The following CSMD1 variants were observed in gnomAD, a reference collection of about 807,000 sequenced individuals.
CSMD1 encodes the protein CUB and Sushi multiple domains 1, also known as CUB and sushi domain-containing protein 1.
A neutral mutation model predicts 417.5 loss-of-function variants in CSMD1; 213 were observed. That is an observed-to-expected ratio of 0.51 (90% CI 0.46 to 0.57). CSMD1 has a LOEUF of 0.57. Among genes scored for constraint, CSMD1 ranks in the 20% least tolerant of loss-of-function variants. CSMD1 has a pLI of 0.00. For synonymous variants in CSMD1, 2,862 were observed against 1,736.8 expected, an observed-to-expected ratio of 1.65 and a Z score of -16.11; for missense variants, 6,923 against 4,529.7, an observed-to-expected ratio of 1.53 and a Z score of -15.17.
chr8:4,203,002 C>G (rs909624864), intron 3 of CSMD1, among the ~76,000 whole-genome samples: 3 of 151,664 alleles, frequency 2.0e-5, no homozygotes, highest in South Asian at 2.1e-4. Context: ...ATCGTAATTC[C>G]CAGAACCTGT....
chr8:3,376,383 T>G (rs552997740), intron 18 of CSMD1, among the ~76,000 whole-genome samples: 1 of 152,090 alleles, frequency 6.6e-6, no homozygotes. Context: ...TTATATCTCA[T>G]GGTGACACAG....
rs866714615 is a variant in CSMD1 at position 3,796,415 on chromosome 8, C to T, written c.819-42373G>A. ...ATCATGTATAGATATAGATATATAT[C>T]TATCATGTATAGATATATATATCTA... On this transcript the variant is annotated intron_variant, in intron 5 of 69. Transcript: ENST00000635120. Among the ~76,000 whole-genome samples, 4 of 56,566 alleles carry T rather than the reference C, an allele frequency of 7.1e-5. 2 individuals carry two copies. Among genetic ancestry groups the T allele is most frequent in the Non-Finnish European group, 1.6e-4 (4 of 24,274 alleles). The allele number at this position is 56,566 out of a possible 152,430, so 37.1% of individuals were successfully genotyped here.
At chr8:3,476,169 C>CT (rs1289332279) in intron 11 of CSMD1, among the ~76,000 whole-genome samples, 1 of 152,112 alleles carries the variant, frequency 6.6e-6, no homozygotes, top group Non-Finnish European at 1.5e-5. Context: ...ATAGCGAGGC[C>CT]TTGGCTCAAC....
chr8:4,552,547 C>T (rs1797919357), intron 2 of CSMD1, among the ~76,000 whole-genome samples: 2 of 151,966 alleles, frequency 1.3e-5, no homozygotes, highest in African/African-American at 4.8e-5. Context: ...CTTTCCATTC[C>T]CTGGGAAGCA....
chr8:3,575,807 C>G (rs1181263181), intron 9 of CSMD1, among the ~76,000 whole-genome samples: 1 of 148,188 alleles, frequency 6.7e-6, no homozygotes, highest in East Asian at 2.0e-4. Flanking sequence ...GTCTGGAATA[C>G]AAAAATAATT....
intron 11 of CSMD1, among the ~76,000 whole-genome samples, chr8:3,469,942 G>C (rs190039296): frequency 6.6e-6 from 1 of 152,150 alleles, no homozygotes; most frequent in African/African-American, 2.4e-5. Flanking sequence ...TTGTTTTGTT[G>C]GCTTGTTTGA....
chr8:3,709,680 G>GGTTTTTTTTTTTTTTTTT (rs1554518393), intron 6 of CSMD1, among the ~76,000 whole-genome samples: 3 of 33,694 alleles, frequency 8.9e-5, no homozygotes, highest in Non-Finnish European at 1.7e-4. Context: ...GCAGCAGCAT[G>GGTTTTTTTTTTTTTTTTT]TTTTTTTTTT....
chr8:3,759,537 T>G (rs371979383), intron 5 of CSMD1, among the ~76,000 whole-genome samples: 81 of 151,778 alleles, frequency 5.3e-4, no homozygotes, highest in African/African-American at 9.9e-4. Context: ...ATGAAAGAGA[T>G]TATGGGGCAA....
intron 12 of CSMD1, among the ~76,000 whole-genome samples, chr8:3,411,638 G>A (rs893460626): frequency 4.9e-5 from 7 of 143,604 alleles, no homozygotes; most frequent in Non-Finnish European, 9.0e-5. Flanking sequence ...CCTTATTATC[G>A]TTCAGTAGTA....
rs948352816 is a variant in CSMD1, at chr8:3,377,551, G to A, written c.2783-8181C>T. Among the ~76,000 whole-genome samples, 5 of 152,154 alleles carry A rather than the reference G, an allele frequency of 3.3e-5. No individual in the cohort carries two copies. In the South Asian group the frequency reaches 1.0e-3, roughly 32 times the overall value. On this transcript the variant is annotated intron_variant, in intron 18 of 69. Transcript: ENST00000635120. ...CAATTCCTGTACTGCAAAACCTATT[G>A]GCTCTTTTTGGTCTATTCCCACTCC...
At chr8:4,043,573 C>A (rs537172647) in intron 3 of CSMD1, among the ~76,000 whole-genome samples, 1 of 152,202 alleles carries the variant, frequency 6.6e-6, no homozygotes, top group South Asian at 2.1e-4. Context: ...TGCTGTCTGG[C>A]CGCCTTGAGG....
rs116137039 is a variant in CSMD1 at position 4,692,682 on chromosome 8, T to C, written c.86-55124A>G. Reference sequence around the variant, plus strand: ...GTCCTGGTTTGCCGATGGTCACCATTTTATAACTGAAAAGTCCTGCAGCCT... The same window carrying C: ...GTCCTGGTTTGCCGATGGTCACCATCTTATAACTGAAAAGTCCTGCAGCCT... On this transcript the variant is annotated intron_variant, in intron 1 of 69. Transcript: ENST00000635120. Among the ~76,000 whole-genome samples, 1,174 of 152,244 alleles carry C rather than the reference T, an allele frequency of 7.7e-3. 17 individuals are homozygous for C. The highest frequency in any genetic ancestry group is 0.026 in the African/African-American group (1,069 of 41,548).
intron 41 of CSMD1, among the ~76,000 whole-genome samples, chr8:3,130,121 T>G (rs553584289): frequency 1.2e-4 from 18 of 152,332 alleles, no homozygotes; most frequent in African/African-American, 4.3e-4. Context: ...AATTATGTTC[T>G]ATTTTTCTTA....
chr8:4,284,346 G>A (rs1267382428), intron 3 of CSMD1, among the ~76,000 whole-genome samples: 1 of 151,872 alleles, frequency 6.6e-6, no homozygotes, highest in Admixed American at 6.6e-5. Flanking sequence ...CCAGCCTGGG[G>A]GACAAGAGAG....
At chr8:4,226,359 A>C (rs1157968153) in intron 3 of CSMD1, among the ~76,000 whole-genome samples, 1 of 152,234 alleles carries the variant, frequency 6.6e-6, no homozygotes, top group African/African-American at 2.4e-5. Flanking sequence ...TTTATCTGAC[A>C]TACCATTTTG....
chr8:4,094,276 G>A lies in CSMD1; in HGVS notation c.416-62177C>T, dbSNP rs959634124. Reference sequence around the variant, plus strand: ...TGTAAATCAGGGGTGATCTACTGGGGGAGGCGGTAGGGAACAAGGAGAAGA... The same window carrying A: ...TGTAAATCAGGGGTGATCTACTGGGAGAGGCGGTAGGGAACAAGGAGAAGA... On this transcript the variant is annotated intron_variant, in intron 3 of 69. Coordinates refer to ENST00000635120, the MANE Select transcript of CSMD1 (RefSeq NM_033225.6). Among the ~76,000 whole-genome samples the A allele has an allele frequency of 2.0e-5, 3 of 152,090 alleles. No individual in the cohort carries two copies. The South Asian group carries it at 6.2e-4, about 32-fold the overall frequency.
At chr8:4,192,164 T>G (rs1281888971) in intron 3 of CSMD1, among the ~76,000 whole-genome samples, 3 of 152,158 alleles carry the variant, frequency 2.0e-5, no homozygotes, top group Non-Finnish European at 4.4e-5. Context: ...CCAATAGGCA[T>G]GTTATAAAGG....
At position 4,874,539 on chromosome 8, in the gene CSMD1, G is replaced by C. The variant is rs180878664; in HGVS notation, c.85+119793C>G. Reference sequence around the variant, plus strand: ...TGAGCAGCTGGGATTACGGGTGCCTGCCACCTCTCCCGGCTAATTTTTGTA... The same window carrying C: ...TGAGCAGCTGGGATTACGGGTGCCTCCCACCTCTCCCGGCTAATTTTTGTA... On this transcript the variant is annotated intron_variant, in intron 1 of 69. Coordinates refer to ENST00000635120, the MANE Select transcript of CSMD1 (RefSeq NM_033225.6). Among the ~76,000 whole-genome samples the C allele has an allele frequency of 4.1e-4, 62 of 151,760 alleles. 1 individual carries two copies. The highest frequency in any genetic ancestry group is 1.4e-3 in the African/African-American group (57 of 41,292).
At chr8:4,769,079 G>C (rs1405241993) in intron 1 of CSMD1, among the ~76,000 whole-genome samples, 1 of 152,220 alleles carries the variant, frequency 6.6e-6, no homozygotes, top group African/African-American at 2.4e-5. Flanking sequence ...ACAGTTAACA[G>C]CTTGGGGCTT....
Sources: gnomAD v4.1 joint callset for allele counts (sites outside exome capture counted in the v4.1 genomes callset) on GRCh38, gnomAD v4.1.1 for gene constraint, MANE v1.5 for transcripts, NCBI Gene and HGNC (gene_info 2026-07-23, HGNC 2026-07-21) for gene names.